Variants in GPHN observed in about 807,000 individuals in gnomAD.
GPHN encodes the protein gephyrin.
A neutral mutation model predicts 95.5 loss-of-function variants in GPHN; 17 were observed. That is an observed-to-expected ratio of 0.18 (90% CI 0.12 to 0.27). The LOEUF (loss-of-function observed/expected upper bound fraction) is 0.27, where lower values mean the gene tolerates loss of function less well. Ranked by LOEUF, GPHN falls within the 10% of genes least tolerant of loss-of-function variation. The pLI, the probability that GPHN is intolerant of heterozygous loss-of-function variation, is 1.00. For synonymous variants in GPHN, 320 were observed against 322.5 expected, an observed-to-expected ratio of 0.99 and a Z score of 0.08; for missense variants, 660 against 978.1, an observed-to-expected ratio of 0.67 and a Z score of 4.34.
At chr14:67,603,599 T>G in the GPHN span, among the ~76,000 whole-genome samples, 2 of 152,206 alleles carry the variant, frequency 1.3e-5, no homozygotes, top group East Asian at 3.8e-4. Context: ...GCGTTCCTGT[T>G]GCCTTGGCCT....
At chr14:66,806,031 C>T (rs2060527506) in intron 3 of GPHN, among the ~76,000 whole-genome samples, 1 of 152,236 alleles carries the variant, frequency 6.6e-6, no homozygotes, top group Admixed American at 6.5e-5. Flanking sequence ...CTACGGCAAA[C>T]TTCTGCCTGG....
At chr14:66,703,499 TAAAG>T (rs1400352594) in intron 2 of GPHN, among the ~76,000 whole-genome samples, 3 of 152,176 alleles carry the variant, frequency 2.0e-5, no homozygotes, top group Admixed American at 2.0e-4. Flanking sequence ...TCAACATTCT[TAAAG>T]AAAATAATTT....
the GPHN span, chr14:67,323,615 A>AATATATATATATATATATATATAT: frequency 4.3e-4 from 113 of 260,260 alleles, no homozygotes; most frequent in Non-Finnish European, 6.6e-4. Flanking sequence ...CCCTTAATCT[A>AATATATATATATATATATATATAT]ATATATATAT....
At chr14:67,725,294 G>A in the GPHN span, 73 of 1,606,594 alleles carry the variant, frequency 4.5e-5, no homozygotes, top group Non-Finnish European at 5.5e-5. Context: ...AGGAAATTGG[G>A]TATGGGAGTG....
chr14:66,740,659 A>C lies in GPHN; in HGVS notation c.144-35805A>C, dbSNP rs143663730. ...GCTTTTCCTGTGGTAAGTGCTTATC[A>C]TATTTTTAAAATGACTGATATTTGG... On this transcript the variant is annotated intron_variant, in intron 2 of 22. Transcript: ENST00000478722. 5.3e-5 allele frequency among the ~76,000 whole-genome samples: 8 copies of C among 152,186 alleles called. No homozygotes were observed. In the South Asian group the frequency reaches 1.7e-3, roughly 32 times the overall value.
chr14:67,327,653 C>A, the GPHN span, among the ~76,000 whole-genome samples: 521 of 152,074 alleles, frequency 3.4e-3, 2 homozygotes, highest in Middle Eastern at 6.8e-3. Context: ...CCCCACCCCA[C>A]AACAGGCCCC....
chr14:67,352,823 G>T, the GPHN span: 5 of 758,916 alleles, frequency 6.6e-6, no homozygotes, highest in Non-Finnish European at 1.0e-5. Flanking sequence ...ACTTTTGAAA[G>T]AAAAAAATTA....
chr14:67,521,439 A>T, the GPHN span, among the ~76,000 whole-genome samples: 1 of 152,248 alleles, frequency 6.6e-6, no homozygotes, highest in East Asian at 1.9e-4. Flanking sequence ...TGGGTTTATC[A>T]GAAGATTTTG....
At chr14:66,730,260 G>A (rs898384804) in intron 2 of GPHN, among the ~76,000 whole-genome samples, 1 of 152,170 alleles carries the variant, frequency 6.6e-6, no homozygotes, top group East Asian at 1.9e-4. Context: ...TAGGCTCCAT[G>A]TGGGTTCTTC....
the GPHN span, among the ~76,000 whole-genome samples, chr14:67,700,791 G>T: frequency 2.6e-5 from 4 of 151,422 alleles, no homozygotes; most frequent in Non-Finnish European, 5.9e-5. Flanking sequence ...TCGGGAGGCC[G>T]AGGCGGGTGG....
the GPHN span, among the ~76,000 whole-genome samples, chr14:67,644,486 A>G: frequency 0.04 from 6,116 of 152,242 alleles, 362 homozygotes; most frequent in African/African-American, 0.13. Flanking sequence ...GGGACATGGC[A>G]CCTAGAATAG....
At chr14:66,817,182 C>A (rs1004072786) in intron 3 of GPHN, among the ~76,000 whole-genome samples, 5 of 151,996 alleles carry the variant, frequency 3.3e-5, no homozygotes. Flanking sequence ...TAACATCAAG[C>A]ACATTTGTCA....
In GPHN at chr14:66,879,824, A is replaced by T. The variant is rs574226978; in HGVS notation, c.295-115A>T. On this transcript the variant is annotated intron_variant, in intron 4 of 22. Coordinates refer to ENST00000478722, the MANE Select transcript of GPHN (RefSeq NM_020806.5). ...AAAAAGATAAATGTTTCAGAAACTA[A>T]AAGTATGGTTATTGAAAGCCTGGTT... The T allele has an allele frequency of 2.6e-5, 19 of 727,218 alleles. No individual in the cohort carries two copies. In the South Asian group the frequency reaches 2.7e-4, roughly 10 times the overall value. The allele number at this position is 727,218 out of a possible 1,614,324, so 45.0% of individuals were successfully genotyped here.
intron 9 of GPHN, among the ~76,000 whole-genome samples, chr14:67,017,507 G>T (rs907352211): frequency 2.6e-5 from 4 of 151,960 alleles, no homozygotes; most frequent in African/African-American, 9.7e-5. Context: ...TTCTTTCAGA[G>T]ACTGATTACT....
intron 4 of GPHN, among the ~76,000 whole-genome samples, chr14:66,839,010 A>G (rs568989536): frequency 1.3e-5 from 2 of 152,316 alleles, no homozygotes; most frequent in South Asian, 2.1e-4. Context: ...TACCAGTATT[A>G]TTTTCTTATA....
intron 9 of GPHN, among the ~76,000 whole-genome samples, chr14:66,998,811 T>C (rs555715498): frequency 6.6e-6 from 1 of 151,734 alleles, no homozygotes; most frequent in African/African-American, 2.4e-5. Context: ...AGGAACAAGA[T>C]TTATAACCTC....
At chr14:66,519,307 TA>T (rs1289594514) in intron 1 of GPHN, among the ~76,000 whole-genome samples, 2 of 151,988 alleles carry the variant, frequency 1.3e-5, no homozygotes, top group Non-Finnish European at 2.9e-5. Flanking sequence ...GTTAACCACT[TA>T]AAAAATCTTT....
chr14:66,902,301 T>C (rs555368145), intron 5 of GPHN, among the ~76,000 whole-genome samples: 101 of 152,232 alleles, frequency 6.6e-4, no homozygotes, highest in African/African-American at 2.3e-3. Context: ...AACTATAAGG[T>C]CATGTCATCT....
At chr14:66,580,737 A>C (rs919330631) in intron 1 of GPHN, among the ~76,000 whole-genome samples, 3 of 151,844 alleles carry the variant, frequency 2.0e-5, no homozygotes, top group African/African-American at 7.2e-5. Context: ...AATTCTACCA[A>C]ATATTTAAAG....
Sources: gnomAD v4.1 joint callset for allele counts (sites outside exome capture counted in the v4.1 genomes callset) on GRCh38, gnomAD v4.1.1 for gene constraint, MANE v1.5 for transcripts, NCBI Gene and HGNC (gene_info 2026-07-23, HGNC 2026-07-21) for gene names.